Variants in MATR3 observed in about 807,000 individuals in gnomAD.
MATR3 encodes matrin 3, also known as matrin-3.
A neutral mutation model predicts 85.5 loss-of-function variants in MATR3; 4 were observed. That is an observed-to-expected ratio of 0.05 (90% CI 0.02 to 0.11). The LOEUF (loss-of-function observed/expected upper bound fraction) is 0.11. Among genes scored for constraint, MATR3 ranks in the 10% least tolerant of loss-of-function variants. MATR3 has a pLI of 1.00. For synonymous variants in MATR3, 336 were observed against 343.1 expected (o/e 0.98, Z 0.23); for missense variants, 685 against 1,016.1 (o/e 0.67, Z 4.43).
rs1414346948 is a variant in MATR3, at chr5:139,322,519, T to C, written c.1778+13T>C. ...AAGATAAATCCCGGTAATTTCATTT[T>C]GTTTTTCATATGTGTGAGTATATTC... On this transcript the variant is annotated intron_variant, in intron 11 of 14. Coordinates refer to ENST00000394805, the MANE Select transcript of MATR3 (RefSeq NM_018834.6). 1.1e-5 allele frequency: 17 copies of C among 1,573,252 alleles called. No individual in the cohort carries two copies. In the East Asian group the frequency reaches 1.6e-4, roughly 14 times the overall value.
At chr5:139,289,888 C>T (rs1157066025), upstream of MATR3, among the ~76,000 whole-genome samples, 3 of 152,192 alleles carry the variant, frequency 2.0e-5, no homozygotes, top group Non-Finnish European at 4.4e-5. Context: ...GTGGAAGCAA[C>T]TCTCAATGTT....
At chr5:139,308,747 T>C (rs1754828089) in intron 2 of MATR3, among the ~76,000 whole-genome samples, 1 of 152,236 alleles carries the variant, frequency 6.6e-6, no homozygotes, top group Non-Finnish European at 1.5e-5. Context: ...AAAGATGTAT[T>C]CTTGAACAAT....
At position 139,306,949 on chromosome 5, in the gene MATR3, C is replaced by G. The variant is rs1005878483; in HGVS notation, c.-177-290C>G. On this transcript the variant is annotated intron_variant, in intron 1 of 14. Coordinates refer to ENST00000394805, the MANE Select transcript of MATR3 (RefSeq NM_018834.6). Reference sequence around the variant, plus strand: ...AAGAAGAAACCCATCTATATTTTTACTGAAATTTTGATGTACTCAGACATC... The same window carrying G: ...AAGAAGAAACCCATCTATATTTTTAGTGAAATTTTGATGTACTCAGACATC... Among the ~76,000 whole-genome samples, 35 of 152,116 alleles carry G rather than the reference C, an allele frequency of 2.3e-4. 1 individual carries two copies.
intron 7 of MATR3, 89 bp from the exon 8 acceptor site, chr5:139,318,819 A>G (rs1755391805): frequency 8.4e-7 from 1 of 1,185,456 alleles, no homozygotes; most frequent in Non-Finnish European, 1.2e-6. Context: ...GATTTGGGGC[A>G]TTGTTATTTT....
In MATR3 at chr5:139,330,638, A is replaced by G; in HGVS notation, c.*1243A>G. 2.2e-6 allele frequency: 1 copy of G among 454,156 alleles called. No individual in the cohort carries two copies. The highest frequency in any genetic ancestry group is 1.6e-5 in the South Asian group (1 of 64,480). The allele number at this position is 454,156 out of a possible 1,614,324, so 28.1% of individuals were successfully genotyped here. On this transcript the variant is annotated 3_prime_UTR_variant, in exon 15 of 15. Transcript: ENST00000394805. ...TTTGTGGTTTTTAAAAACCTTATGA[A>G]TTAAAAATGCTACAGGTGAACAAAC...
At chr5:139,315,961 C>T (rs778985676) in intron 4 of MATR3, 115 bp from the exon 5 acceptor site, 38 of 863,990 alleles carry the variant, frequency 4.4e-5, no homozygotes, top group Non-Finnish European at 7.3e-5. Flanking sequence ...TTCACAGATA[C>T]TCTGAAAGAT....
chr5:139,325,088 G>A (rs193106439), intron 12 of MATR3, among the ~76,000 whole-genome samples: 1 of 152,032 alleles, frequency 6.6e-6, no homozygotes, highest in Non-Finnish European at 1.5e-5. Flanking sequence ...AGCTACTCGG[G>A]AGGCTGAGGC....
rs368483920 is a variant in MATR3, at chr5:139,293,756, C to G, written c.-227C>G. 5.4e-4 allele frequency: 208 copies of G among 383,418 alleles called. 1 individual carries two copies. In the South Asian group the frequency reaches 0.027, roughly 50 times the overall value. The allele number at this position is 383,418 out of a possible 1,614,324, so 23.8% of individuals were successfully genotyped here. ...GGGGATTGTGGGAGTCTCCGCGTCC[C>G]GCTCGCTGGGAGAGAGGTACCTCTC... is the stretch of plus-strand genomic sequence containing the variant. On this transcript the variant is annotated 5_prime_UTR_variant, in exon 1 of 15. Transcript: ENST00000394805.
At chr5:139,325,982 T>G (rs1332438556) in intron 13 of MATR3, among the ~76,000 whole-genome samples, 181 bp from the exon 14 acceptor site, 1 of 152,212 alleles carries the variant, frequency 6.6e-6, no homozygotes, top group African/African-American at 2.4e-5. Context: ...TACAGTTAGG[T>G]GAGACCTCAA....
chr5:139,322,565 C>A (rs1239008748), intron 11 of MATR3, 33 bp from the exon 12 acceptor site: 2 of 1,564,226 alleles, frequency 1.3e-6, no homozygotes, highest in African/African-American at 1.3e-5. Flanking sequence ...TTTCAGACAA[C>A]AAATTAATTG....
intron 1 of MATR3, among the ~76,000 whole-genome samples, chr5:139,300,993 T>TG (rs1754410678): frequency 6.6e-6 from 1 of 152,032 alleles, no homozygotes; most frequent in Admixed American, 6.5e-5. Flanking sequence ...TTTGTATTTT[T>TG]GGGTAGAGAC....
At chr5:139,321,733 G>T (rs1184714151) in intron 9 of MATR3, 165 bp from the exon 10 acceptor site, 3 of 690,528 alleles carry the variant, frequency 4.3e-6, no homozygotes, top group Non-Finnish European at 7.2e-6. Flanking sequence ...CAGCAAGCCA[G>T]GATTGCGCCA....
At chr5:139,284,130 A>G (rs575840735) in intron 3 of MATR3, among the ~76,000 whole-genome samples, 30 of 152,290 alleles carry the variant, frequency 2.0e-4, no homozygotes, top group Non-Finnish European at 3.7e-4. Context: ...AATGTACCCA[A>G]AATAGAGTAA....
chr5:139,324,147 C>T (rs1049852701), intron 12 of MATR3, among the ~76,000 whole-genome samples: 35 of 152,262 alleles, frequency 2.3e-4, no homozygotes, highest in African/African-American at 7.9e-4. Flanking sequence ...TTAATCCTCA[C>T]AGTAACCATA....
At chr5:139,290,438 C>CTTTTTTT (rs762364450), upstream of MATR3, among the ~76,000 whole-genome samples, 228 of 44,972 alleles carry the variant, frequency 5.1e-3, 64 homozygotes, top group East Asian at 6.8e-3. Context: ...CCTGGCCGCT[C>CTTTTTTT]TTTTTTTTTT....
intron 10 of MATR3, 144 bp from the exon 11 acceptor site, chr5:139,322,319 T>A (rs1044347382): frequency 9.7e-6 from 8 of 823,314 alleles, no homozygotes; most frequent in Non-Finnish European, 1.6e-5. Context: ...ATGATGAATG[T>A]CTGTAGGCAG....
At chr5:139,286,591 T>A (rs879600248) in intron 3 of MATR3, among the ~76,000 whole-genome samples, 3 of 151,820 alleles carry the variant, frequency 2.0e-5, no homozygotes, top group Non-Finnish European at 4.4e-5. Flanking sequence ...ACACCTGTAA[T>A]CCCAGCACTT....
At chr5:139,294,164 A>C in intron 1 of MATR3, 1 of 858,082 alleles carries the variant, frequency 1.2e-6, no homozygotes, top group Non-Finnish European at 1.6e-6. Context: ...CGGGACGACT[A>C]GCCCGTTACA....
intron 2 of MATR3, among the ~76,000 whole-genome samples, chr5:139,277,946 C>T (rs1237177834): frequency 6.6e-6 from 1 of 151,888 alleles, no homozygotes. Flanking sequence ...TTGAAATATA[C>T]AGGCCAGGCA....
Sources: gnomAD v4.1 joint callset for allele counts (sites outside exome capture counted in the v4.1 genomes callset) on GRCh38, gnomAD v4.1.1 for gene constraint, MANE v1.5 for transcripts, NCBI Gene and HGNC (gene_info 2026-07-23, HGNC 2026-07-21) for gene names.